The following GALNTL6 variants were observed in gnomAD, a reference collection of about 807,000 sequenced individuals.
The protein encoded by GALNTL6 is polypeptide N-acetylgalactosaminyltransferase-like 6.
A neutral mutation model predicts 73.7 loss-of-function variants in GALNTL6; 46 were observed. The observed-to-expected ratio is 0.62, with a 90% confidence interval of 0.49 to 0.80. GALNTL6 has a LOEUF of 0.80. Ranked by LOEUF, GALNTL6 falls within the 30% of genes least tolerant of loss-of-function variation. The pLI, the probability that GALNTL6 is intolerant of heterozygous loss-of-function variation, is 0.00. For missense variants in GALNTL6, 604 were observed against 755.0 expected (o/e 0.80, Z 2.34); for synonymous variants, 259 against 263.7 (o/e 0.98, Z 0.17).
At chr4:172,643,900 GT>G (rs1740103011) in intron 5 of GALNTL6, among the ~76,000 whole-genome samples, 1 of 151,766 alleles carries the variant, frequency 6.6e-6, no homozygotes, top group African/African-American at 2.4e-5. Flanking sequence ...TTTCTCTTGA[GT>G]ATATATTTTC....
intron 2 of GALNTL6, among the ~76,000 whole-genome samples, chr4:172,035,700 A>T (rs547991457): frequency 6.6e-6 from 1 of 152,252 alleles, no homozygotes; most frequent in South Asian, 2.1e-4. Context: ...CTACAAAGCG[A>T]CATGGAGCAC....
intron 5 of GALNTL6, among the ~76,000 whole-genome samples, chr4:172,686,318 C>G (rs1036264874): frequency 5.9e-5 from 9 of 152,096 alleles, no homozygotes; most frequent in Admixed American, 5.9e-4. Context: ...GCCTCAGACC[C>G]CCACCCCCAC....
At chr4:172,439,880 GA>G (rs1035052402) in intron 5 of GALNTL6, among the ~76,000 whole-genome samples, 4 of 151,970 alleles carry the variant, frequency 2.6e-5, no homozygotes, top group African/African-American at 9.7e-5. Context: ...TTTCCCAACA[GA>G]GTGGAACATT....
chr4:172,424,793 T>C (rs1189644145), intron 5 of GALNTL6, among the ~76,000 whole-genome samples: 6 of 152,122 alleles, frequency 3.9e-5, no homozygotes, highest in Non-Finnish European at 7.3e-5. Flanking sequence ...CTCAGTCTCA[T>C]GGCCATGACC....
chr4:172,806,465 C>A (rs1174022219), intron 5 of GALNTL6, among the ~76,000 whole-genome samples: 1 of 152,126 alleles, frequency 6.6e-6, no homozygotes, highest in African/African-American at 2.4e-5. Context: ...CCAAAGAATA[C>A]AAAAGTCTAA....
chr4:172,479,782 A>G (rs1449472970), intron 5 of GALNTL6, among the ~76,000 whole-genome samples: 3 of 151,230 alleles, frequency 2.0e-5, no homozygotes, highest in Non-Finnish European at 1.5e-5. Context: ...ACAACTAAAA[A>G]TCTGAATCTT....
intron 2 of GALNTL6, among the ~76,000 whole-genome samples, chr4:171,921,825 A>T (rs945241236): frequency 1.3e-5 from 2 of 152,100 alleles, no homozygotes; most frequent in African/African-American, 2.4e-5. Context: ...ATTTAAAAAA[A>T]GTCCTGCTGG....
chr4:172,318,096 C>G (rs796332479), intron 4 of GALNTL6, among the ~76,000 whole-genome samples: 4 of 152,324 alleles, frequency 2.6e-5, no homozygotes, highest in African/African-American at 9.6e-5. Context: ...TAGAAGCCAT[C>G]TCTCAAAACT....
chr4:172,206,659 C>T (rs913014005), intron 2 of GALNTL6, among the ~76,000 whole-genome samples: 11 of 151,728 alleles, frequency 7.2e-5, no homozygotes, highest in Non-Finnish European at 1.5e-4. Context: ...AGAAAGAGAC[C>T]GTCATGTACG....
intron 3 of GALNTL6, among the ~76,000 whole-genome samples, chr4:172,297,377 T>A (rs4314243): frequency 0.96 from 146,634 of 152,132 alleles, 70,902 homozygotes; most frequent in East Asian, 1. Context: ...CCATTTGTCA[T>A]TTCTGGCTTT....
chr4:172,845,474 C>T (rs1437673043), intron 7 of GALNTL6, among the ~76,000 whole-genome samples: 2 of 152,080 alleles, frequency 1.3e-5, no homozygotes, highest in East Asian at 1.9e-4. Flanking sequence ...CTGATAAAAG[C>T]TGCAATTCAG....
At chr4:172,042,329 T>G (rs988061418) in intron 2 of GALNTL6, among the ~76,000 whole-genome samples, 1 of 152,196 alleles carries the variant, frequency 6.6e-6, no homozygotes, top group Admixed American at 6.6e-5. Flanking sequence ...TTGTTATGAC[T>G]AATGAGATAC....
At chr4:172,583,764 G>T (rs2110979700) in intron 5 of GALNTL6, among the ~76,000 whole-genome samples, 1 of 151,870 alleles carries the variant, frequency 6.6e-6, no homozygotes, top group East Asian at 1.9e-4. Context: ...TCCGGGGGTG[G>T]CACACGCCTG....
At chr4:171,981,305 T>G (rs1423841817) in intron 2 of GALNTL6, among the ~76,000 whole-genome samples, 1 of 152,216 alleles carries the variant, frequency 6.6e-6, no homozygotes, top group African/African-American at 2.4e-5. Context: ...ACTGGCTCAG[T>G]GAATCCTCAT....
At chr4:172,160,974 C>T (rs1162817071) in intron 2 of GALNTL6, among the ~76,000 whole-genome samples, 1 of 150,196 alleles carries the variant, frequency 6.7e-6, no homozygotes, top group African/African-American at 2.5e-5. Context: ...CACGTTTGAA[C>T]ATTAAGGGGA....
At chr4:172,110,922 A>T (rs1732832698) in intron 2 of GALNTL6, among the ~76,000 whole-genome samples, 1 of 152,070 alleles carries the variant, frequency 6.6e-6, no homozygotes, top group South Asian at 2.1e-4. Flanking sequence ...CTAACAGTTC[A>T]TTTGTTTTCT....
intron 2 of GALNTL6, among the ~76,000 whole-genome samples, chr4:171,868,365 GTC>G (rs1736029980): frequency 6.9e-6 from 1 of 144,258 alleles, no homozygotes; most frequent in Non-Finnish European, 1.5e-5. Flanking sequence ...TTTGATTCGC[GTC>G]TGTAAACAAT....
At chr4:172,735,843 AC>A (rs1736426845) in intron 5 of GALNTL6, among the ~76,000 whole-genome samples, 1 of 152,104 alleles carries the variant, frequency 6.6e-6, no homozygotes, top group African/African-American at 2.4e-5. Flanking sequence ...ATAAAGAGAA[AC>A]AGTACAAAAG....
At chr4:172,196,292 GAGGCTGT>G (rs1735767698) in intron 2 of GALNTL6, among the ~76,000 whole-genome samples, 2 of 152,116 alleles carry the variant, frequency 1.3e-5, no homozygotes, top group Admixed American at 6.5e-5. Flanking sequence ...TTCTGAAATT[GAGGCTGT>G]AACAAATAGC....
Sources: allele counts gnomAD v4.1 joint callset (sites outside exome capture counted in the v4.1 genomes callset), GRCh38; gene constraint gnomAD v4.1.1; transcripts MANE v1.5; gene names NCBI Gene and HGNC (gene_info 2026-07-23, HGNC 2026-07-21).